Variants in SORCS3 observed in about 807,000 individuals in gnomAD.
SORCS3 encodes the protein VPS10 domain-containing receptor SorCS3.
A neutral mutation model predicts 146.3 loss-of-function variants in SORCS3; 57 were observed. The ratio of observed to expected loss-of-function variants is 0.39; its 90% CI spans 0.31 to 0.49. The LOEUF (loss-of-function observed/expected upper bound fraction) is 0.49, where lower values mean the gene tolerates loss of function less well. Among genes scored for constraint, SORCS3 ranks in the 20% least tolerant of loss-of-function variants. The pLI is 0.92. For synonymous variants in SORCS3, 653 were observed against 618.5 expected (o/e 1.06, Z -0.83); for missense variants, 1,341 against 1,575.5 (o/e 0.85, Z 2.52).
intron 11 of SORCS3, among the ~76,000 whole-genome samples, chr10:105,162,597 G>A (rs10509786): frequency 0.077 from 11,663 of 152,204 alleles, 637 homozygotes; most frequent in Admixed American, 0.15. Flanking sequence ...TCTGTGATCC[G>A]TAACATTTTC....
At chr10:105,232,541 T>A (rs2056771409) in intron 20 of SORCS3, among the ~76,000 whole-genome samples, 1 of 151,942 alleles carries the variant, frequency 6.6e-6, no homozygotes, top group Admixed American at 6.6e-5. Flanking sequence ...TTTCATTGAT[T>A]TCTGTTCTAG....
intron 23 of SORCS3, among the ~76,000 whole-genome samples, chr10:105,255,085 G>A (rs2056922829): frequency 6.6e-6 from 1 of 151,490 alleles, no homozygotes; most frequent in African/African-American, 2.4e-5. Context: ...CTACTCAGGA[G>A]GCTGAGGCAG....
chr10:104,926,541 C>T lies in SORCS3; in HGVS notation c.795+10609C>T, dbSNP rs190563449. Among the ~76,000 whole-genome samples the T allele has an allele frequency of 1.1e-4, 17 of 152,290 alleles. No individual in the cohort carries two copies. The East Asian group carries it at 2.9e-3, about 26-fold the overall frequency. ...AAAGAACCAGAAAAGACTCCTTGCACCCCAAAAGGGAAAGTATCAGATCCC... is the reference window on the plus strand; with the variant it reads ...AAAGAACCAGAAAAGACTCCTTGCATCCCAAAAGGGAAAGTATCAGATCCC... On this transcript the variant is annotated intron_variant, in intron 3 of 26. Transcript: ENST00000369701.
intron 3 of SORCS3, among the ~76,000 whole-genome samples, chr10:104,921,779 A>G (rs534597211): frequency 2.0e-5 from 3 of 152,130 alleles, no homozygotes; most frequent in Admixed American, 6.6e-5. Context: ...GTTCACCTCT[A>G]TCTGCCCACA....
intron 1 of SORCS3, among the ~76,000 whole-genome samples, chr10:104,752,854 A>T (rs2017004761): frequency 6.6e-6 from 1 of 152,198 alleles, no homozygotes; most frequent in African/African-American, 2.4e-5. Context: ...ATATATCCTA[A>T]ATGCCTGTAG....
intron 1 of SORCS3, among the ~76,000 whole-genome samples, chr10:104,796,791 A>C (rs907510148): frequency 6.6e-6 from 1 of 152,358 alleles, no homozygotes; most frequent in Non-Finnish European, 1.5e-5. Context: ...GGTGTAAAAC[A>C]AGTTCTGGGG....
At chr10:104,738,475 T>A (rs1206902585) in intron 1 of SORCS3, among the ~76,000 whole-genome samples, 1 of 152,346 alleles carries the variant, frequency 6.6e-6, no homozygotes, top group African/African-American at 2.4e-5. Flanking sequence ...CAGAAGATCC[T>A]GGAAGTAAAT....
intron 2 of SORCS3, among the ~76,000 whole-genome samples, chr10:104,865,680 C>A (rs993342163): frequency 1.3e-5 from 2 of 152,204 alleles, no homozygotes; most frequent in African/African-American, 4.8e-5. Context: ...AAATGCTGGG[C>A]TTTCACCCGG....
rs2056141195 is a variant in SORCS3, at chr10:105,147,690, A to C, written c.1376A>C (p.Tyr459Ser). The change falls in exon 9 of 27, where the codon TAC (tyrosine) becomes TCC (serine). Residue 459 changes from tyrosine (Y) to serine (S), a missense_variant. Coordinates refer to ENST00000369701, the MANE Select transcript of SORCS3 (RefSeq NM_014978.3). ...AVQEWNQNDT[Y>S]NLYISDTRGI... The stretch of plus-strand genomic sequence containing the variant: ...CAAGAATGGAACCAGAACGACACGT[A>C]CAACCTCTACATCTCAGACACGCGT... 1 of 1,613,080 alleles carries C rather than the reference A, an allele frequency of 6.2e-7. No individual in the cohort carries two copies. The highest frequency in any genetic ancestry group is 1.1e-5 in the South Asian group (1 of 91,060).
chr10:104,766,468 C>T (rs895687466), intron 1 of SORCS3, among the ~76,000 whole-genome samples: 2 of 152,200 alleles, frequency 1.3e-5, no homozygotes, highest in Admixed American at 6.5e-5. Flanking sequence ...GTCTGTGTCT[C>T]ATGTGAGCTT....
At chr10:104,788,561 G>A (rs1322009956) in intron 1 of SORCS3, among the ~76,000 whole-genome samples, 1 of 152,198 alleles carries the variant, frequency 6.6e-6, no homozygotes, top group Non-Finnish European at 1.5e-5. Flanking sequence ...GGAAGCTGTT[G>A]TTGAGGGAAA....
chr10:104,720,280 T>C (rs1405269962), intron 1 of SORCS3, among the ~76,000 whole-genome samples: 1 of 152,240 alleles, frequency 6.6e-6, no homozygotes, highest in Non-Finnish European at 1.5e-5. Flanking sequence ...TCCAGCTTCA[T>C]TCATGTCCCT....
intron 11 of SORCS3, among the ~76,000 whole-genome samples, chr10:105,162,483 C>G (rs2056273555): frequency 6.6e-6 from 1 of 152,210 alleles, no homozygotes; most frequent in Non-Finnish European, 1.5e-5. Context: ...CTCTTCCTAT[C>G]AGAAATCACC....
chr10:105,216,803 T>C, intron 18 of SORCS3, 133 bp from the exon 19 acceptor site: 2 of 775,176 alleles, frequency 2.6e-6, no homozygotes, highest in Non-Finnish European at 4.3e-6. Flanking sequence ...GTGATCATTG[T>C]GTTGCAGGTG....
intron 1 of SORCS3, among the ~76,000 whole-genome samples, chr10:104,763,457 C>T (rs1252357733): frequency 6.6e-6 from 1 of 152,094 alleles, no homozygotes. Context: ...AGTCAAGGAT[C>T]TAGGATTTAC....
intron 3 of SORCS3, among the ~76,000 whole-genome samples, chr10:104,963,790 T>C (rs908660337): frequency 1.3e-5 from 2 of 152,184 alleles, no homozygotes; most frequent in African/African-American, 4.8e-5. Flanking sequence ...TAAGTGTTAA[T>C]TCCACTTTCC....
At chr10:105,074,183 G>T (rs528587486) in intron 5 of SORCS3, among the ~76,000 whole-genome samples, 1 of 152,212 alleles carries the variant, frequency 6.6e-6, no homozygotes. Context: ...TTTTTGTCTT[G>T]TCCAGACAAG....
At chr10:105,234,074 T>A (rs890734604) in intron 20 of SORCS3, among the ~76,000 whole-genome samples, 4 of 152,156 alleles carry the variant, frequency 2.6e-5, no homozygotes, top group African/African-American at 9.7e-5. Flanking sequence ...TACTGACAAG[T>A]TTCTTAAGTT....
chr10:104,791,464 A>G (rs1050828756), intron 1 of SORCS3, among the ~76,000 whole-genome samples: 5 of 152,286 alleles, frequency 3.3e-5, no homozygotes, highest in Non-Finnish European at 5.9e-5. Flanking sequence ...TTAACAGATG[A>G]CTTAAAAGAG....
Sources: gnomAD v4.1 joint callset for allele counts (sites outside exome capture counted in the v4.1 genomes callset) on GRCh38, gnomAD v4.1.1 for gene constraint, MANE v1.5 for transcripts, NCBI Gene and HGNC (gene_info 2026-07-23, HGNC 2026-07-21) for gene names.